Variants in QTGAL observed in about 807,000 individuals in gnomAD.
QTGAL encodes BGnT-like protein 1.
the QTGAL span, among the ~76,000 whole-genome samples, chr17:83,051,202 G>A: frequency 6.7e-6 from 1 of 149,428 alleles, no homozygotes; most frequent in African/African-American, 2.5e-5. Flanking sequence ...CAGGGGCAAG[G>A]CAGGTGCGTA....
At chr17:82,977,802 C>T in the QTGAL span, among the ~76,000 whole-genome samples, 396 of 152,296 alleles carry the variant, frequency 2.6e-3, 5 homozygotes, top group Middle Eastern at 0.01. Flanking sequence ...AACGAGGCCT[C>T]AGAACAGCCT....
the QTGAL span, among the ~76,000 whole-genome samples, chr17:82,974,344 G>A: frequency 4.2e-4 from 64 of 152,318 alleles, no homozygotes; most frequent in Middle Eastern, 0.02. Flanking sequence ...GGTGAAGGAC[G>A]AGCTTGGCTG....
chr17:83,033,207 C>T, the QTGAL span, among the ~76,000 whole-genome samples: 18 of 152,166 alleles, frequency 1.2e-4, no homozygotes, highest in Non-Finnish European at 2.2e-4. Flanking sequence ...ATTTGTCCTG[C>T]TATTGAAAAG....
the QTGAL span, among the ~76,000 whole-genome samples, chr17:82,959,663 C>T: frequency 1.0e-4 from 15 of 150,602 alleles, no homozygotes; most frequent in South Asian, 2.1e-4. Context: ...AGGGGGTTCA[C>T]GTGACAGGAA....
chr17:82,977,150 G>A, the QTGAL span, among the ~76,000 whole-genome samples: 52 of 152,384 alleles, frequency 3.4e-4, no homozygotes, highest in Non-Finnish European at 6.5e-4. Context: ...GGAACACTGG[G>A]AAACGTATTC....
chr17:83,036,936 T>A, the QTGAL span, among the ~76,000 whole-genome samples: 1 of 152,070 alleles, frequency 6.6e-6, no homozygotes, highest in African/African-American at 2.4e-5. Context: ...TCAGCTTCGA[T>A]GCCAATGGCG....
the QTGAL span, among the ~76,000 whole-genome samples, chr17:83,042,451 A>G: frequency 6.6e-6 from 1 of 152,256 alleles, no homozygotes; most frequent in Non-Finnish European, 1.5e-5. Flanking sequence ...TTAATGTTAC[A>G]TGATTGAAGC....
the QTGAL span, among the ~76,000 whole-genome samples, chr17:82,962,906 T>TTC: frequency 0.47 from 71,319 of 151,622 alleles, 16,879 homozygotes; most frequent in South Asian, 0.53. Flanking sequence ...TGTCCCATTT[T>TTC]TCTCCCCTCC....
At chr17:82,976,557 G>A in the QTGAL span, among the ~76,000 whole-genome samples, 3 of 86,296 alleles carry the variant, frequency 3.5e-5, 1 homozygote, top group South Asian at 3.6e-4. Context: ...CCCAGGGGCC[G>A]GAGGCCACTT....
chr17:83,005,015 C>G, the QTGAL span: 1 of 971,586 alleles, frequency 1.0e-6, no homozygotes, highest in Non-Finnish European at 1.5e-6. The surrounding 1 kb of genome is among the most constrained non-coding windows in gnomAD (Gnocchi z 5.6). Flanking sequence ...AGGACCACGG[C>G]CCACGACGAC....
chr17:82,969,504 G>A, the QTGAL span, among the ~76,000 whole-genome samples: 5 of 151,840 alleles, frequency 3.3e-5, no homozygotes, highest in African/African-American at 9.7e-5. Flanking sequence ...CCACTGCCCC[G>A]GCCTAAGTAA....
chr17:83,007,266 G>A, the QTGAL span: 992 of 985,186 alleles, frequency 1.0e-3, no homozygotes, highest in Non-Finnish European at 1.2e-3. Context: ...GGACAGCTCT[G>A]GAGCCGCCGC....
the QTGAL span, among the ~76,000 whole-genome samples, chr17:83,041,395 C>A: frequency 2.0e-5 from 3 of 152,310 alleles, no homozygotes; most frequent in South Asian, 6.2e-4. Flanking sequence ...CCAGGAAGCT[C>A]AACAAACTCC....
chr17:83,032,875 C>G, the QTGAL span, among the ~76,000 whole-genome samples: 1 of 152,170 alleles, frequency 6.6e-6, no homozygotes, highest in Non-Finnish European at 1.5e-5. Flanking sequence ...TGCAGTTTTA[C>G]CCCGTCTGCA....
chr17:83,040,804 G>A, the QTGAL span, among the ~76,000 whole-genome samples: 1 of 152,120 alleles, frequency 6.6e-6, no homozygotes, highest in Non-Finnish European at 1.5e-5. Flanking sequence ...AGTGGCTCAT[G>A]CCTGTAATCC....
the QTGAL span, among the ~76,000 whole-genome samples, chr17:83,035,272 T>G: frequency 6.6e-6 from 1 of 151,888 alleles, no homozygotes; most frequent in South Asian, 2.1e-4. Flanking sequence ...CTCCGCCTCC[T>G]GGGTCCAAGC....
At chr17:82,972,544 C>G in the QTGAL span, among the ~76,000 whole-genome samples, 1 of 121,840 alleles carries the variant, frequency 8.2e-6, no homozygotes, top group Admixed American at 7.8e-5. Flanking sequence ...CCACACCACA[C>G]CACAGGGGAT....
the QTGAL span, among the ~76,000 whole-genome samples, chr17:83,018,811 C>T: frequency 5.3e-5 from 8 of 152,194 alleles, no homozygotes; most frequent in South Asian, 2.1e-4. Flanking sequence ...ACCCATTCAG[C>T]GGCGACGCTG....
At chr17:83,032,652 G>A in the QTGAL span, among the ~76,000 whole-genome samples, 2 of 152,218 alleles carry the variant, frequency 1.3e-5, no homozygotes, top group African/African-American at 2.4e-5. Flanking sequence ...TCTTAGTGAG[G>A]AAAACATTGG....
Sources: gnomAD v4.1 joint callset for allele counts (sites outside exome capture counted in the v4.1 genomes callset) on GRCh38, gnomAD v4.1.1 for gene constraint, Gnocchi (gnomAD v3.1) non-coding constraint, MANE v1.5 for transcripts, NCBI Gene and HGNC (gene_info 2026-07-23, HGNC 2026-07-21) for gene names.